Variants in SMYD4 observed in about 807,000 individuals in gnomAD.
SMYD4 encodes the protein protein-lysine N-methyltransferase SMYD4.
In SMYD4, 68 loss-of-function variants were observed where a neutral mutation model predicts 72.8. The observed-to-expected ratio is 0.93, with a 90% confidence interval of 0.77 to 1.14. SMYD4 has a LOEUF of 1.14. Among genes scored for constraint, SMYD4 ranks in the 50% most tolerant of loss-of-function variants. The pLI, the probability that SMYD4 is intolerant of heterozygous loss-of-function variation, is 0.00. For synonymous variants in SMYD4, 407 were observed against 388.6 expected, an observed-to-expected ratio of 1.05 and a Z score of -0.56; for missense variants, 984 against 1,003.7, an observed-to-expected ratio of 0.98 and a Z score of 0.27.
intron 2 of SMYD4, among the ~76,000 whole-genome samples, chr17:1,812,945 T>TC (rs61575597): frequency 7.8e-4 from 10 of 12,870 alleles, no homozygotes; most frequent in Non-Finnish European, 1.7e-3. Context: ...TCATAAAAGA[T>TC]TTTTTTTTTT....
intron 5 of SMYD4, among the ~76,000 whole-genome samples, chr17:1,794,566 C>T (rs190282248): frequency 3.9e-5 from 6 of 152,058 alleles, no homozygotes; most frequent in African/African-American, 1.4e-4. Flanking sequence ...TGTTCACTTA[C>T]CTTTAACTAG....
intron 2 of SMYD4, among the ~76,000 whole-genome samples, chr17:1,825,538 G>A (rs1911123202): frequency 7.5e-6 from 1 of 134,046 alleles, no homozygotes; most frequent in Non-Finnish European, 1.6e-5. Context: ...TTGAGAAATA[G>A]TCTTGTTCTG....
At chr17:1,805,490 T>C (rs1459681414) in intron 3 of SMYD4, among the ~76,000 whole-genome samples, 1 of 151,996 alleles carries the variant, frequency 6.6e-6, no homozygotes, top group African/African-American at 2.4e-5. Flanking sequence ...CAAGTAAATG[T>C]AGGAAAGATG....
chr17:1,785,864 C>T (rs568561372), intron 7 of SMYD4, among the ~76,000 whole-genome samples: 2 of 152,288 alleles, frequency 1.3e-5, no homozygotes, highest in East Asian at 1.9e-4. Context: ...TCTAACACAA[C>T]CGGCTCTGCC....
chr17:1,829,211 C>G (rs1911383850), intron 1 of SMYD4: 1 of 144,608 alleles, frequency 6.9e-6, no homozygotes, highest in Admixed American at 7.0e-5. Context: ...GTCTGACTTT[C>G]TAATTCTCAG....
At chr17:1,801,848 C>A (rs1597381593) in intron 4 of SMYD4, among the ~76,000 whole-genome samples, 1 of 151,634 alleles carries the variant, frequency 6.6e-6, no homozygotes, top group Non-Finnish European at 1.5e-5. Flanking sequence ...TGGTGGTGGG[C>A]GCCTGTAGTC....
In SMYD4 at chr17:1,796,792, T is replaced by G. The variant is rs1211779726; in HGVS notation, c.1537+3065A>C. On this transcript the variant is annotated intron_variant, in intron 5 of 10. Coordinates refer to ENST00000305513, the MANE Select transcript of SMYD4 (RefSeq NM_052928.3). ...CAAGAGTTGGTAACTTTCTGCTATTTAATTGGGAAGCCCCATATATTTTTA... is the reference window on the plus strand; with the variant it reads ...CAAGAGTTGGTAACTTTCTGCTATTGAATTGGGAAGCCCCATATATTTTTA... 3.9e-5 allele frequency among the ~76,000 whole-genome samples: 6 copies of G among 152,202 alleles called. No individual in the cohort carries two copies. The East Asian group carries it at 1.2e-3, about 29-fold the overall frequency.
At chr17:1,812,531 G>C (rs894168630) in intron 2 of SMYD4, among the ~76,000 whole-genome samples, 8 of 138,284 alleles carry the variant, frequency 5.8e-5, no homozygotes, top group Non-Finnish European at 9.2e-5. Flanking sequence ...GGGCTCAAAT[G>C]ATCAGCAGAA....
intron 2 of SMYD4, among the ~76,000 whole-genome samples, chr17:1,816,607 G>C (rs776871364): frequency 2.7e-5 from 4 of 150,318 alleles, no homozygotes; most frequent in Admixed American, 6.6e-5. Context: ...GCGACAAAGC[G>C]AGACTCTGTC....
chr17:1,795,906 T>C (rs567284793), intron 5 of SMYD4, among the ~76,000 whole-genome samples: 7 of 152,242 alleles, frequency 4.6e-5, no homozygotes, highest in African/African-American at 1.7e-4. Context: ...TCACCTGTAT[T>C]TCCACTTTCA....
intron 5 of SMYD4, among the ~76,000 whole-genome samples, chr17:1,791,988 G>A (rs1167991669): frequency 6.6e-6 from 1 of 152,114 alleles, no homozygotes; most frequent in African/African-American, 2.4e-5. Flanking sequence ...ACAGTTGCTT[G>A]TAATGCCATC....
intron 4 of SMYD4, among the ~76,000 whole-genome samples, chr17:1,803,272 C>G (rs1909866988): frequency 6.6e-6 from 1 of 152,164 alleles, no homozygotes; most frequent in African/African-American, 2.4e-5. Context: ...ACGGGCAGTT[C>G]AAGGTAGGTT....
intron 2 of SMYD4, among the ~76,000 whole-genome samples, chr17:1,821,775 A>G (rs1252800072): frequency 6.6e-6 from 1 of 151,836 alleles, no homozygotes; most frequent in African/African-American, 2.4e-5. Context: ...TACTAAATAT[A>G]CAAAAATTAG....
chr17:1,781,516 G>A (rs1405332573), intron 10 of SMYD4, 77 bp from the exon 11 acceptor site: 34 of 1,480,270 alleles, frequency 2.3e-5, no homozygotes, highest in South Asian at 5.1e-5. Flanking sequence ...CTCACACACC[G>A]TGAAGAATGT....
chr17:1,828,469 A>G (rs73299102), intron 1 of SMYD4, among the ~76,000 whole-genome samples: 8,671 of 152,038 alleles, frequency 0.057, 840 homozygotes, highest in African/African-American at 0.2. Flanking sequence ...ATTTTCTCAC[A>G]GCAATTCACT....
Position 1,803,800 on chromosome 17 carries a change from C to T in SMYD4, c.369+826G>A, listed in dbSNP as rs1597383293. 2.0e-5 allele frequency among the ~76,000 whole-genome samples: 3 copies of T among 151,734 alleles called. 1 individual carries two copies. The East Asian group carries it at 5.9e-4, about 30-fold the overall frequency. On this transcript the variant is annotated intron_variant, in intron 4 of 10. Coordinates refer to ENST00000305513, the MANE Select transcript of SMYD4 (RefSeq NM_052928.3). The stretch of plus-strand genomic sequence containing the variant: ...AGGCGTGAACCACCATGCCTGGCCC[C>T]ATAGCTCTTTCTTGTCAATCAACAC...
rs765072749 is a variant in SMYD4, at chr17:1,801,009, T to C, written c.385A>G (p.Ile129Val). The stretch of plus-strand genomic sequence containing the variant: ...TACCCATGTGTCTGTGCTCTGTTAA[T>C]GTCTTTAAGACACGTCTGAAAACAG... The part of the protein sequence containing the change: ...LGQYETCLKD[I>V]NRAQTHGYPE... The change falls in exon 5 of 11, where the codon ATT (isoleucine) becomes GTT (valine). Residue 129 changes from isoleucine to valine, a missense_variant. Coordinates refer to ENST00000305513, the MANE Select transcript of SMYD4 (RefSeq NM_052928.3). 2.5e-6 allele frequency: 4 copies of C among 1,608,416 alleles called. No homozygotes were observed. The highest frequency in any genetic ancestry group is 3.4e-6 in the Non-Finnish European group (4 of 1,175,184).
intron 2 of SMYD4, among the ~76,000 whole-genome samples, chr17:1,821,403 A>T (rs543881109): frequency 2.0e-5 from 3 of 152,108 alleles, no homozygotes; most frequent in African/African-American, 4.8e-5. Context: ...AATCCCAGCT[A>T]CTCGGGAGGT....
rs9915727 is a variant in SMYD4 at position 1,809,903 on chromosome 17, C to T, written c.279+2068G>A. 4.7e-3 allele frequency among the ~76,000 whole-genome samples: 708 copies of T among 152,170 alleles called. 5 individuals are homozygous for T. Among genetic ancestry groups the T allele is most frequent in the African/African-American group, 0.016 (668 of 41,506 alleles). ...CCAGGACGGTCTCAATCTCCTGATCCACCCACCTCGGCCTCCCAAAATGCT... is the reference window on the plus strand; with the variant it reads ...CCAGGACGGTCTCAATCTCCTGATCTACCCACCTCGGCCTCCCAAAATGCT... On this transcript the variant is annotated intron_variant, in intron 3 of 10. Transcript: ENST00000305513.
Sources: gnomAD v4.1 joint callset for allele counts (sites outside exome capture counted in the v4.1 genomes callset) on GRCh38, gnomAD v4.1.1 for gene constraint, MANE v1.5 for transcripts, NCBI Gene and HGNC (gene_info 2026-07-23, HGNC 2026-07-21) for gene names.